The following PAK6 variants were observed in gnomAD, a reference collection of about 807,000 sequenced individuals.
PAK6 encodes serine/threonine-protein kinase PAK 6.
In PAK6, 33 loss-of-function variants were observed where a neutral mutation model predicts 60.8. That is an observed-to-expected ratio of 0.54 (90% CI 0.41 to 0.73). PAK6 has a LOEUF of 0.73. Ranked by LOEUF, PAK6 falls within the 30% of genes least tolerant of loss-of-function variation. PAK6 has a pLI of 0.00. For synonymous variants in PAK6, 404 were observed against 378.5 expected (o/e 1.07, Z -0.78); for missense variants, 845 against 904.1 (o/e 0.93, Z 0.84).
chr15:40,239,980 G>T (rs1044964839), intron 1 of PAK6, 178 bp downstream of exon 1: 1 of 152,718 alleles, frequency 6.5e-6, no homozygotes, highest in Non-Finnish European at 1.5e-5. Flanking sequence ...TGAGATGGGC[G>T]TCAGGGAGAG....
intron 2 of PAK6, chr15:40,251,193 T>A (rs1178604986): frequency 6.6e-6 from 1 of 152,208 alleles, no homozygotes; most frequent in Non-Finnish European, 1.5e-5. Context: ...AAACTAAATA[T>A]AAATATGTGT....
intron 5 of PAK6, among the ~76,000 whole-genome samples, chr15:40,269,346 T>G (rs2039237512): frequency 6.6e-6 from 1 of 152,086 alleles, no homozygotes; most frequent in Non-Finnish European, 1.5e-5. Context: ...AAAAATATTA[T>G]GCCATGGCCT....
At position 40,265,828 on chromosome 15, in the gene PAK6, T is replaced by C; in HGVS notation, c.205-14T>C. 6.6e-7 allele frequency: 1 copy of C among 1,506,226 alleles called. No homozygotes were observed. The highest frequency in any genetic ancestry group is 1.3e-5 in the South Asian group (1 of 74,190). 93.3% of individuals were successfully genotyped at this position (1,506,226 alleles called of 1,614,324 possible). A position where few individuals can be genotyped will look rare whatever the true frequency, so the allele number is the denominator to read the frequency against. ...TGGGCAGCTCCCACACACTCTTTTC[T>C]CTTCCCCCTACAGACAGTGGTGCGG... is the stretch of plus-strand genomic sequence containing the variant. On this transcript the variant is annotated splice_polypyrimidine_tract_variant and intron_variant, in intron 4 of 10. Transcript: ENST00000560346.
chr15:40,241,199 A>G (rs2038319079), intron 2 of PAK6, among the ~76,000 whole-genome samples: 1 of 152,196 alleles, frequency 6.6e-6, no homozygotes, highest in South Asian at 2.1e-4. Context: ...TGCAGGGTGG[A>G]TGACCTGGTC....
chr15:40,274,290 C>G lies in PAK6; in HGVS notation c.1878+14C>G, dbSNP rs1317441828. ...AACTCTCACAAGGTCAGTTGGCACA[C>G]AAGGGTGCGACCTCGCAGACCCCAT... On this transcript the variant is annotated intron_variant, in intron 10 of 10. Coordinates refer to ENST00000560346, the Ensembl canonical transcript of PAK6. 6.3e-7 allele frequency: 1 copy of G among 1,589,634 alleles called. No individual in the cohort carries two copies. The highest frequency in any genetic ancestry group is 2.2e-5 in the East Asian group (1 of 44,496).
chr15:40,262,094 G>T (rs1454989423), intron 3 of PAK6, among the ~76,000 whole-genome samples: 2 of 152,214 alleles, frequency 1.3e-5, no homozygotes, highest in Non-Finnish European at 2.9e-5. Context: ...TTCAGCTGCA[G>T]TCTGTGTCCC....
At chr15:40,240,746 C>T in intron 2 of PAK6, 65 bp downstream of exon 2, 1 of 411,830 alleles carries the variant, frequency 2.4e-6, no homozygotes. Context: ...GCCAAGGTGT[C>T]CAGGCTGCCT....
chr15:40,271,554 G>A (rs1019052459), intron 5 of PAK6, among the ~76,000 whole-genome samples: 1 of 152,198 alleles, frequency 6.6e-6, no homozygotes, highest in African/African-American at 2.4e-5. Flanking sequence ...AGATCTCTCT[G>A]GCACCAGATT....
chr15:40,248,768 G>C (rs2038572755), intron 2 of PAK6, among the ~76,000 whole-genome samples: 1 of 152,196 alleles, frequency 6.6e-6, no homozygotes, highest in South Asian at 2.1e-4. Flanking sequence ...GTGACAGCCT[G>C]CCTGGGCAGT....
chr15:40,268,326 GC>G (rs772697731), intron 5 of PAK6, among the ~76,000 whole-genome samples: 7 of 152,172 alleles, frequency 4.6e-5, no homozygotes, highest in Non-Finnish European at 1.0e-4. Flanking sequence ...GGCTCTCCTT[GC>G]ACTGTAGCAG....
exon 5 of PAK6, chr15:40,266,091 C>T: frequency 1.2e-6 from 2 of 1,609,942 alleles, no homozygotes; most frequent in Middle Eastern, 1.7e-4. Context: ...CGGGGGCACA[C>T]CAGCAGGCCA....
chr15:40,262,477 C>T (rs1394824725), intron 3 of PAK6, among the ~76,000 whole-genome samples: 1 of 152,078 alleles, frequency 6.6e-6, no homozygotes. Flanking sequence ...ACACTCCAGT[C>T]TGGGCGACAG....
chr15:40,264,643 T>C (rs2039070122), intron 3 of PAK6, 138 bp from the exon 4 acceptor site: 1 of 703,208 alleles, frequency 1.4e-6, no homozygotes. Context: ...GAAGCAGAGA[T>C]GGAGGTGGAG....
intron 3 of PAK6, chr15:40,258,368 A>T (rs1054302292): frequency 1.3e-5 from 2 of 152,254 alleles, no homozygotes; most frequent in African/African-American, 4.8e-5. Context: ...CTGGAATCAG[A>T]TCTGGGTTCA....
chr15:40,244,054 A>G (rs915768719), intron 2 of PAK6, among the ~76,000 whole-genome samples: 1 of 152,236 alleles, frequency 6.6e-6, no homozygotes, highest in Non-Finnish European at 1.5e-5. Flanking sequence ...ATCGTGGGCA[A>G]GGTGCAGTGG....
intron 5 of PAK6, among the ~76,000 whole-genome samples, chr15:40,268,850 A>G (rs1372433333): frequency 1.3e-5 from 2 of 152,186 alleles, no homozygotes; most frequent in African/African-American, 4.8e-5. Flanking sequence ...ACTCCGATAT[A>G]TGTCAAGGAT....
chr15:40,258,567 G>C (rs1426330067), intron 3 of PAK6: 1 of 152,462 alleles, frequency 6.6e-6, no homozygotes, highest in Non-Finnish European at 1.5e-5. Context: ...TTCTGTGTCT[G>C]AGATTGCTGC....
chr15:40,255,095 G>T (rs2038799283), intron 3 of PAK6, among the ~76,000 whole-genome samples: 1 of 152,164 alleles, frequency 6.6e-6, no homozygotes, highest in South Asian at 2.1e-4. Context: ...TTAGCATAGG[G>T]TTCCAATGCC....
intron 3 of PAK6, among the ~76,000 whole-genome samples, chr15:40,253,991 G>T (rs545486202): frequency 1.3e-5 from 2 of 152,276 alleles, no homozygotes; most frequent in South Asian, 2.1e-4. Context: ...ATAGGTTGCC[G>T]CATTGGATAA....
Sources: gnomAD v4.1 joint callset for allele counts (sites outside exome capture counted in the v4.1 genomes callset) on GRCh38, gnomAD v4.1.1 for gene constraint, MANE v1.5 for transcripts, NCBI Gene and HGNC (gene_info 2026-07-23, HGNC 2026-07-21) for gene names.